The following DTNBP1 variants were observed in gnomAD, a reference collection of about 807,000 sequenced individuals.
The protein encoded by DTNBP1 is dystrobrevin binding protein 1, also known as dysbindin.
Under a neutral mutation model 42.8 loss-of-function variants are expected in DTNBP1, and 35 were observed. The ratio of observed to expected loss-of-function variants is 0.82; its 90% CI spans 0.63 to 1.09. The LOEUF (loss-of-function observed/expected upper bound fraction) is 1.09. Ranked by LOEUF, DTNBP1 falls within the 50% of genes least tolerant of loss-of-function variation. The pLI, the probability that DTNBP1 is intolerant of heterozygous loss-of-function variation, is 0.00. For synonymous variants in DTNBP1, 171 were observed against 162.2 expected (o/e 1.05, Z -0.41); for missense variants, 457 against 424.2 (o/e 1.08, Z -0.68).
At chr6:15,590,535 T>C (rs2113617490) in intron 7 of DTNBP1, among the ~76,000 whole-genome samples, 1 of 152,368 alleles carries the variant, frequency 6.6e-6, no homozygotes, top group Non-Finnish European at 1.5e-5. Flanking sequence ...TGAAAGCTTA[T>C]GTACTCTACA....
At chr6:15,550,086 A>G (rs1774125634) in intron 7 of DTNBP1, among the ~76,000 whole-genome samples, 1 of 152,218 alleles carries the variant, frequency 6.6e-6, no homozygotes, top group Admixed American at 6.5e-5. Context: ...GGAAATCAAA[A>G]CCAGGTTTAA....
At chr6:15,654,397 A>T (rs1379307292) in intron 1 of DTNBP1, among the ~76,000 whole-genome samples, 2 of 152,222 alleles carry the variant, frequency 1.3e-5, no homozygotes, top group Non-Finnish European at 2.9e-5. Context: ...GCAGTGCCTC[A>T]TACTCAAAAT....
chr6:15,595,031 C>T (rs562612724), intron 6 of DTNBP1: 1 of 440,048 alleles, frequency 2.3e-6, no homozygotes, highest in Non-Finnish European at 4.6e-6. Context: ...GCTCACCCTG[C>T]AACCGTCTGT....
At chr6:15,523,586 A>G (rs1772093017) in intron 9 of DTNBP1, 3 of 1,270,930 alleles carry the variant, frequency 2.4e-6, no homozygotes, top group Non-Finnish European at 3.0e-6. Context: ...TACCCTTTGC[A>G]GTAATTCAGA....
chr6:15,613,509 G>A (rs1172914867), intron 6 of DTNBP1, among the ~76,000 whole-genome samples: 2 of 151,494 alleles, frequency 1.3e-5, no homozygotes, highest in Admixed American at 6.6e-5. Flanking sequence ...TGGGACTACA[G>A]GCGCCCGCCA....
intron 7 of DTNBP1, among the ~76,000 whole-genome samples, chr6:15,577,061 G>A (rs1581348401): frequency 6.6e-6 from 1 of 152,216 alleles, no homozygotes; most frequent in East Asian, 1.9e-4. Context: ...GATATACAAA[G>A]TAAAATGTGG....
At chr6:15,645,211 C>T (rs1760605383) in intron 3 of DTNBP1, among the ~76,000 whole-genome samples, 1 of 151,952 alleles carries the variant, frequency 6.6e-6, no homozygotes, top group Admixed American at 6.6e-5. Flanking sequence ...AAACACATCA[C>T]CTTCCAGACT....
chr6:15,568,049 A>C (rs984739593), intron 7 of DTNBP1, among the ~76,000 whole-genome samples: 2 of 152,206 alleles, frequency 1.3e-5, no homozygotes, highest in African/African-American at 4.8e-5. Flanking sequence ...TTGAGAAAAC[A>C]GCAGAATCAG....
At chr6:15,594,835 C>T (rs1776443183) in intron 6 of DTNBP1, among the ~76,000 whole-genome samples, 1 of 151,822 alleles carries the variant, frequency 6.6e-6, no homozygotes, top group Non-Finnish European at 1.5e-5. Context: ...TGACTGTGAG[C>T]AGAATTTCTA....
intron 6 of DTNBP1, among the ~76,000 whole-genome samples, chr6:15,593,767 G>T (rs950245253): frequency 5.3e-5 from 8 of 152,164 alleles, no homozygotes; most frequent in African/African-American, 1.9e-4. Context: ...TCACAATTTT[G>T]CAGTTACGTA....
chr6:15,563,711 A>G (rs1489553245), intron 7 of DTNBP1, among the ~76,000 whole-genome samples: 3 of 152,140 alleles, frequency 2.0e-5, no homozygotes, highest in African/African-American at 7.2e-5. Flanking sequence ...TTCACTCTGC[A>G]CTCTTTGACT....
intron 7 of DTNBP1, among the ~76,000 whole-genome samples, chr6:15,582,092 G>GA (rs1234930728): frequency 6.6e-6 from 1 of 152,120 alleles, no homozygotes; most frequent in Non-Finnish European, 1.5e-5. Context: ...AGTTAAAGAT[G>GA]AAATCTCAAT....
At chr6:15,598,459 G>C (rs1776596659) in intron 6 of DTNBP1, among the ~76,000 whole-genome samples, 2 of 152,112 alleles carry the variant, frequency 1.3e-5, no homozygotes, top group African/African-American at 4.8e-5. Context: ...AAATGTTTAG[G>C]GGAAATTTTT....
chr6:15,619,210 G>A (rs2113713957), intron 5 of DTNBP1, among the ~76,000 whole-genome samples: 1 of 152,172 alleles, frequency 6.6e-6, no homozygotes, highest in South Asian at 2.1e-4. Context: ...GCAAAAGAGT[G>A]GATTTTGAAT....
intron 5 of DTNBP1, among the ~76,000 whole-genome samples, chr6:15,625,159 A>C (rs1192973450): frequency 6.6e-6 from 1 of 152,188 alleles, no homozygotes; most frequent in Non-Finnish European, 1.5e-5. Context: ...ACTAATTATA[A>C]ATATCAGGCA....
intron 7 of DTNBP1, among the ~76,000 whole-genome samples, chr6:15,577,134 A>T (rs1775613051): frequency 6.6e-6 from 1 of 152,240 alleles, no homozygotes; most frequent in Admixed American, 6.5e-5. Flanking sequence ...AGAGCAGGAC[A>T]GGCGGTGGGA....
At chr6:15,546,143 G>T in intron 7 of DTNBP1, 2 of 355,608 alleles carry the variant, frequency 5.6e-6, no homozygotes, top group Non-Finnish European at 1.1e-5. Flanking sequence ...TCGGCTCACC[G>T]CAACCTCCGC....
chr6:15,633,202 G>A (rs1245473282), intron 4 of DTNBP1, among the ~76,000 whole-genome samples: 3 of 152,150 alleles, frequency 2.0e-5, no homozygotes, highest in Non-Finnish European at 2.9e-5. Flanking sequence ...GCCCACTAAT[G>A]CAACATCCAT....
chr6:15,609,282 C>A (rs918310937), intron 6 of DTNBP1, among the ~76,000 whole-genome samples: 5 of 151,708 alleles, frequency 3.3e-5, no homozygotes, highest in Admixed American at 1.3e-4. Context: ...TGGGCTCTTA[C>A]AAGATGTTCC....
Sources: gnomAD v4.1 joint callset for allele counts (sites outside exome capture counted in the v4.1 genomes callset) on GRCh38, gnomAD v4.1.1 for gene constraint, MANE v1.5 for transcripts, NCBI Gene and HGNC (gene_info 2026-07-23, HGNC 2026-07-21) for gene names.